Variants in SGMS1 observed in about 807,000 individuals in gnomAD.
SGMS1 encodes the protein sphingomyelin synthase 1.
A neutral mutation model predicts 46.2 loss-of-function variants in SGMS1; 13 were observed. That is an observed-to-expected ratio of 0.28 (90% CI 0.18 to 0.45). The LOEUF (loss-of-function observed/expected upper bound fraction) is 0.45, where lower values mean the gene tolerates loss of function less well. Among genes scored for constraint, SGMS1 ranks in the 20% least tolerant of loss-of-function variants. The pLI is 1.00. For synonymous variants in SGMS1, 203 were observed against 187.8 expected (o/e 1.08, Z -0.66); for missense variants, 324 against 519.9 (o/e 0.62, Z 3.66).
At chr10:50,594,365 T>C (rs1033176879) in intron 1 of SGMS1, among the ~76,000 whole-genome samples, 3 of 152,212 alleles carry the variant, frequency 2.0e-5, no homozygotes, top group African/African-American at 7.2e-5. Context: ...TCACATACTA[T>C]GGGCCCACCT....
chr10:50,586,068 G>T (rs1244369933), intron 2 of SGMS1, among the ~76,000 whole-genome samples: 1 of 152,164 alleles, frequency 6.6e-6, no homozygotes, highest in Non-Finnish European at 1.5e-5. Flanking sequence ...ATTCAACTCT[G>T]CAGTTATAGC....
At chr10:50,589,159 T>C (rs535533683) in intron 2 of SGMS1, among the ~76,000 whole-genome samples, 59 of 152,302 alleles carry the variant, frequency 3.9e-4, no homozygotes, top group African/African-American at 1.4e-3. Context: ...AATTTCTCTC[T>C]TGGGGTATAT....
At chr10:50,550,409 G>A (rs544492252) in intron 2 of SGMS1, among the ~76,000 whole-genome samples, 2 of 148,950 alleles carry the variant, frequency 1.3e-5, no homozygotes, top group South Asian at 2.1e-4. Context: ...ATGAAGCTGC[G>A]GACTAGCTAT....
At chr10:50,590,979 C>G (rs915553420) in intron 1 of SGMS1, among the ~76,000 whole-genome samples, 1 of 151,920 alleles carries the variant, frequency 6.6e-6, no homozygotes, top group Non-Finnish European at 1.5e-5. Flanking sequence ...ATCCACGTAC[C>G]CACCTAGAAC....
Position 50,315,218 on chromosome 10 carries a change from A to C in SGMS1, c.742-3803T>G, listed in dbSNP as rs7095681. On this transcript the variant is annotated intron_variant, in intron 8 of 10. Transcript: ENST00000361781. ...CCTCTATTAAGAGAAAAAAACAGGAAACACAATGTTTGGTATAATTATAAC... is the reference window on the plus strand; with the variant it reads ...CCTCTATTAAGAGAAAAAAACAGGACACACAATGTTTGGTATAATTATAAC... Among the ~76,000 whole-genome samples the C allele has an allele frequency of 9.2e-5, 14 of 152,340 alleles. No individual in the cohort carries two copies. In the East Asian group the frequency reaches 2.7e-3, roughly 29 times the overall value.
At chr10:50,572,752 T>C (rs1838347029) in intron 2 of SGMS1, among the ~76,000 whole-genome samples, 1 of 152,196 alleles carries the variant, frequency 6.6e-6, no homozygotes, top group Non-Finnish European at 1.5e-5. Context: ...TGTGAGTGCC[T>C]ATCAGTTAGA....
At chr10:50,624,496 A>G (rs1161145909), upstream of SGMS1, 2 of 703,806 alleles carry the variant, frequency 2.8e-6, no homozygotes, top group Non-Finnish European at 3.4e-6. Context: ...CCACAACAGA[A>G]AAAAAAAGCC....
intron 5 of SGMS1, among the ~76,000 whole-genome samples, chr10:50,440,295 T>G (rs1411178353): frequency 6.7e-6 from 1 of 150,062 alleles, no homozygotes; most frequent in African/African-American, 2.4e-5. Flanking sequence ...TATATATATT[T>G]TCTTTTAAAG....
chr10:50,619,912 G>C (rs1320143132), intron 1 of SGMS1, among the ~76,000 whole-genome samples: 7 of 152,152 alleles, frequency 4.6e-5, no homozygotes, highest in Admixed American at 4.6e-4. Context: ...GCTTTTGGCA[G>C]AGTGTGTGTG....
At chr10:50,329,879 A>G (rs959737464) in intron 7 of SGMS1, among the ~76,000 whole-genome samples, 4 of 152,180 alleles carry the variant, frequency 2.6e-5, no homozygotes, top group Non-Finnish European at 5.9e-5. Flanking sequence ...GGTCGCGTTT[A>G]TCTATTTTTC....
chr10:50,375,902 G>A lies in SGMS1; in HGVS notation c.-231-31557C>T, dbSNP rs1848515752. The stretch of plus-strand genomic sequence containing the variant: ...TTAAGAGATGGGGTCTCACTATGAT[G>A]TCCAGGCTAGACTCAAACTCCTGGA... On this transcript the variant is annotated intron_variant, in intron 6 of 10. Coordinates refer to ENST00000361781, the MANE Select transcript of SGMS1 (RefSeq NM_147156.4). Among the ~76,000 whole-genome samples, 3 of 152,158 alleles carry A rather than the reference G, an allele frequency of 2.0e-5. No homozygotes were observed. The South Asian group carries it at 6.2e-4, about 32-fold the overall frequency.
chr10:50,346,656 C>G (rs1332995823), intron 6 of SGMS1, among the ~76,000 whole-genome samples: 1 of 152,088 alleles, frequency 6.6e-6, no homozygotes, highest in Non-Finnish European at 1.5e-5. Context: ...CTGTCCTACT[C>G]CTTGCCCCTT....
intron 6 of SGMS1, among the ~76,000 whole-genome samples, chr10:50,430,121 TAG>T (rs1849386030): frequency 6.6e-6 from 1 of 152,118 alleles, no homozygotes; most frequent in Non-Finnish European, 1.5e-5. Context: ...TCCTTCTACC[TAG>T]AGTGTCCCCT....
chr10:50,602,439 T>C (rs947819456), intron 1 of SGMS1, among the ~76,000 whole-genome samples: 1 of 152,250 alleles, frequency 6.6e-6, no homozygotes, highest in Admixed American at 6.5e-5. Flanking sequence ...TGTCACTGGC[T>C]GAACCAAGCA....
chr10:50,529,760 A>G (rs1837936131), intron 2 of SGMS1, among the ~76,000 whole-genome samples: 1 of 152,220 alleles, frequency 6.6e-6, no homozygotes, highest in Admixed American at 6.5e-5. Context: ...AGCAGAAATA[A>G]AGAAGAACAA....
rs147620242 is a variant in SGMS1 at position 50,561,314 on chromosome 10, T to G, written c.-589+28839A>C. ...ATGAAGTAGGTATCACCACCCTCATTTGACAACTGCGGAAACTGAGGCACT... is the reference window on the plus strand; with the variant it reads ...ATGAAGTAGGTATCACCACCCTCATGTGACAACTGCGGAAACTGAGGCACT... On this transcript the variant is annotated intron_variant, in intron 2 of 10. Coordinates refer to ENST00000361781, the MANE Select transcript of SGMS1 (RefSeq NM_147156.4). 8.2e-3 allele frequency among the ~76,000 whole-genome samples: 1,254 copies of G among 152,298 alleles called. 17 individuals are homozygous for G. The highest frequency in any genetic ancestry group is 0.029 in the African/African-American group (1,188 of 41,560).
chr10:50,556,541 G>C (rs772198408), intron 2 of SGMS1, among the ~76,000 whole-genome samples: 1 of 152,182 alleles, frequency 6.6e-6, no homozygotes, highest in Non-Finnish European at 1.5e-5. Context: ...CATGTGCCAG[G>C]TGTATCTCAG....
intron 1 of SGMS1, among the ~76,000 whole-genome samples, chr10:50,620,471 T>A (rs927951122): frequency 2.0e-5 from 3 of 152,240 alleles, no homozygotes; most frequent in African/African-American, 7.2e-5. Flanking sequence ...AGCCACTGAA[T>A]AGTTTGCCAT....
At chr10:50,429,250 G>A (rs917509376) in intron 6 of SGMS1, among the ~76,000 whole-genome samples, 2 of 152,168 alleles carry the variant, frequency 1.3e-5, no homozygotes, top group African/African-American at 2.4e-5. Context: ...CAGTGGTTCC[G>A]TAAGATTATA....
Sources: allele counts gnomAD v4.1 joint callset (sites outside exome capture counted in the v4.1 genomes callset), GRCh38; gene constraint gnomAD v4.1.1; transcripts MANE v1.5; gene names NCBI Gene and HGNC (gene_info 2026-07-23, HGNC 2026-07-21).